ESR1: variants seen among roughly 807,000 people sequenced by gnomAD.
ESR1 encodes estrogen receptor 1, also known as estrogen receptor.
ESR1 carries 12 observed loss-of-function variants against 52.7 expected under a neutral mutation model. The ratio of observed to expected loss-of-function variants is 0.23; its 90% CI spans 0.15 to 0.37. ESR1 has a LOEUF of 0.37. ESR1 is among the 10% of genes least tolerant of loss of function. The probability of loss-of-function intolerance (pLI) is 1.00; values close to 1 mark genes in which losing one functional copy is unlikely to be tolerated. For missense variants in ESR1, 584 were observed against 779.7 expected, an observed-to-expected ratio of 0.75 and a Z score of 2.99; for synonymous variants, 305 against 316.8, an observed-to-expected ratio of 0.96 and a Z score of 0.39.
intron 6 of ESR1, among the ~76,000 whole-genome samples, chr6:152,090,154 G>C (rs2050065111): frequency 6.6e-6 from 1 of 152,174 alleles, no homozygotes; most frequent in South Asian, 2.1e-4. Context: ...TTTTGAGCAA[G>C]CACACTATTT....
At chr6:151,737,830 T>C (rs889481421) in intron 2 of ESR1, among the ~76,000 whole-genome samples, 15 of 152,222 alleles carry the variant, frequency 9.9e-5, no homozygotes, top group African/African-American at 3.4e-4. Context: ...ATATTAATAA[T>C]CAAATAATGA....
chr6:151,686,064 AT>A (rs557270210), upstream of ESR1, among the ~76,000 whole-genome samples: 1,093 of 114,344 alleles, frequency 9.6e-3, 10 homozygotes, highest in Middle Eastern at 0.014. Flanking sequence ...AATTAAAACA[AT>A]TTTTTTTTTT....
intron 2 of ESR1, among the ~76,000 whole-genome samples, chr6:151,784,304 G>A (rs1263005900): frequency 3.3e-5 from 5 of 152,060 alleles, no homozygotes; most frequent in South Asian, 2.1e-4. Flanking sequence ...ATTTATATCA[G>A]TATAGCTTCA....
Position 151,677,787 on chromosome 6 carries a change from G to A in ESR1, n.73+21024G>A, listed in dbSNP as rs111246926. On this transcript the variant is annotated intron_variant and non_coding_transcript_variant, in intron 1 of 2. Coordinates refer to the ESR1 transcript ENST00000473497. ...TGCCCACATTGTCAATAATAGAGTCGCCCTGGGAAGCAGAGTTTGCAAAGG... is the reference window on the plus strand; with the variant it reads ...TGCCCACATTGTCAATAATAGAGTCACCCTGGGAAGCAGAGTTTGCAAAGG... Among the ~76,000 whole-genome samples, 56 of 152,128 alleles carry A rather than the reference G, an allele frequency of 3.7e-4. No homozygotes were observed. The South Asian group carries it at 4.2e-3, about 11-fold the overall frequency.
intron 6 of ESR1, among the ~76,000 whole-genome samples, chr6:152,093,493 G>A (rs780786339): frequency 1.3e-5 from 2 of 151,860 alleles, no homozygotes; most frequent in Non-Finnish European, 2.9e-5. Context: ...TTAGCAATGC[G>A]AGAAGAAAAA....
chr6:151,811,117 A>G (rs966819444), intron 1 of ESR1: 2 of 152,210 alleles, frequency 1.3e-5, no homozygotes, highest in Non-Finnish European at 1.5e-5. Flanking sequence ...ACCTTCTTCC[A>G]TTTCTTCCAT....
intron 4 of ESR1, 143 bp from the exon 5 acceptor site, chr6:152,011,513 C>G: frequency 4.3e-6 from 4 of 937,880 alleles, no homozygotes; most frequent in Non-Finnish European, 6.8e-6. Flanking sequence ...AATTACTTGA[C>G]TTCACTATAA....
chr6:151,789,763 C>T (rs1787350792), intron 2 of ESR1, among the ~76,000 whole-genome samples: 1 of 152,198 alleles, frequency 6.6e-6, no homozygotes, highest in Non-Finnish European at 1.5e-5. Flanking sequence ...CACAACTCCT[C>T]CCCTTTCCCA....
intron 1 of ESR1, among the ~76,000 whole-genome samples, chr6:151,841,325 A>G (rs1481962824): frequency 6.6e-6 from 1 of 151,998 alleles, no homozygotes; most frequent in Non-Finnish European, 1.5e-5. Flanking sequence ...GCCTTCCCTC[A>G]TTTTCATCTC....
chr6:151,997,126 G>A (rs187174868), intron 4 of ESR1, among the ~76,000 whole-genome samples: 321 of 151,934 alleles, frequency 2.1e-3, no homozygotes, highest in African/African-American at 7.5e-3. Flanking sequence ...TGTGTGAAGA[G>A]CATCTTACCG....
chr6:152,031,854 C>A (rs535555507), intron 5 of ESR1, among the ~76,000 whole-genome samples: 5 of 152,272 alleles, frequency 3.3e-5, no homozygotes, highest in African/African-American at 1.2e-4. Context: ...GAATTTTAGA[C>A]CAATATCCCT....
At chr6:152,014,314 C>G (rs1297271057) in intron 5 of ESR1, among the ~76,000 whole-genome samples, 2 of 152,120 alleles carry the variant, frequency 1.3e-5, no homozygotes, top group Non-Finnish European at 2.9e-5. Flanking sequence ...CAGCTAGCTG[C>G]CAGTAGCAAC....
At chr6:151,841,000 C>T (rs1321352910) in intron 1 of ESR1, among the ~76,000 whole-genome samples, 1 of 152,092 alleles carries the variant, frequency 6.6e-6, no homozygotes, top group East Asian at 1.9e-4. Context: ...TCTGGTCTGG[C>T]GAGAGATGCA....
At chr6:151,748,391 G>A (rs957927624) in intron 2 of ESR1, among the ~76,000 whole-genome samples, 14 of 152,104 alleles carry the variant, frequency 9.2e-5, no homozygotes, top group African/African-American at 3.4e-4. Flanking sequence ...ATATACCTAA[G>A]AGCAATTGCT....
intron 6 of ESR1, among the ~76,000 whole-genome samples, chr6:152,090,470 A>T (rs1326226390): frequency 6.6e-6 from 1 of 152,222 alleles, no homozygotes; most frequent in African/African-American, 2.4e-5. Context: ...AGCCATAGGC[A>T]TCAGCATCTC....
intron 1 of ESR1, among the ~76,000 whole-genome samples, chr6:151,673,228 A>G (rs1350158060): frequency 3.3e-5 from 5 of 152,210 alleles, no homozygotes; most frequent in African/African-American, 4.8e-5. Context: ...ATAAATGAAT[A>G]TAATATTGAT....
chr6:151,749,300 G>A (rs958682347), intron 2 of ESR1, among the ~76,000 whole-genome samples: 8 of 152,042 alleles, frequency 5.3e-5, no homozygotes, highest in Non-Finnish European at 1.0e-4. Context: ...TTGTCATATG[G>A]TAAGTGTACA....
intron 5 of ESR1, among the ~76,000 whole-genome samples, chr6:152,030,661 A>T (rs1312377731): frequency 6.6e-6 from 1 of 152,182 alleles, no homozygotes; most frequent in African/African-American, 2.4e-5. Context: ...ACCTACAAAG[A>T]GACTTAGACT....
intron 1 of ESR1, among the ~76,000 whole-genome samples, chr6:151,665,661 A>T (rs1319405276): frequency 2.0e-5 from 3 of 151,944 alleles, no homozygotes; most frequent in African/African-American, 7.3e-5. Context: ...TCCCATGCCG[A>T]GACTTAAAAG....
Sources: allele counts gnomAD v4.1 joint callset (sites outside exome capture counted in the v4.1 genomes callset), GRCh38; gene constraint gnomAD v4.1.1; transcripts MANE v1.5; gene names NCBI Gene and HGNC (gene_info 2026-07-23, HGNC 2026-07-21).